Variants in CHSY3 observed in about 807,000 individuals in gnomAD.
CHSY3 encodes the protein N-acetylgalactosaminyl-proteoglycan 3-beta-glucuronosyltransferase 3.
In CHSY3, 35 loss-of-function variants were observed where a neutral mutation model predicts 67.2. The observed-to-expected ratio is 0.52, with a 90% CI of 0.40 to 0.69. The LOEUF is 0.69. Ranked by LOEUF, CHSY3 falls within the 30% of genes least tolerant of loss-of-function variation. The probability of loss-of-function intolerance (pLI) is 0.00; values close to 1 mark genes in which losing one functional copy is unlikely to be tolerated. For missense variants in CHSY3, 1,069 were observed against 1,138.5 expected (o/e 0.94, Z 0.88); for synonymous variants, 474 against 434.7 (o/e 1.09, Z -1.12).
chr5:130,126,033 G>T (rs1258165589), intron 2 of CHSY3, among the ~76,000 whole-genome samples: 1 of 152,098 alleles, frequency 6.6e-6, no homozygotes, highest in Admixed American at 6.5e-5. Flanking sequence ...CTAGGATATG[G>T]TTTTTGCAAT....
At chr5:130,012,583 A>T (rs1197019330) in intron 2 of CHSY3, among the ~76,000 whole-genome samples, 11 of 152,148 alleles carry the variant, frequency 7.2e-5, no homozygotes, top group Non-Finnish European at 1.3e-4. Context: ...CATGAGAGAG[A>T]ATGAGTGCCA....
chr5:130,149,451 G>T (rs1346681334), intron 2 of CHSY3, among the ~76,000 whole-genome samples: 5 of 152,112 alleles, frequency 3.3e-5, no homozygotes, highest in Non-Finnish European at 1.5e-5. Context: ...TGGGGGACGG[G>T]AGGTGCCACA....
chr5:129,941,182 G>A (rs1196722959), intron 2 of CHSY3, among the ~76,000 whole-genome samples: 4 of 152,152 alleles, frequency 2.6e-5, no homozygotes, highest in Admixed American at 2.6e-4. Flanking sequence ...CAGGCTGGGT[G>A]ACAGAGAAAG....
chr5:130,162,339 T>C (rs1769579336), intron 2 of CHSY3, among the ~76,000 whole-genome samples: 1 of 152,156 alleles, frequency 6.6e-6, no homozygotes, highest in African/African-American at 2.4e-5. Context: ...GCATTGTACA[T>C]TTGAAAAAGC....
At chr5:130,163,675 A>T (rs73788426) in intron 2 of CHSY3, among the ~76,000 whole-genome samples, 6,983 of 152,294 alleles carry the variant, frequency 0.046, 488 homozygotes, top group African/African-American at 0.15. Flanking sequence ...AAATGAAAAA[A>T]TTGTTATTAC....
intron 2 of CHSY3, among the ~76,000 whole-genome samples, chr5:130,095,437 A>G (rs1767013017): frequency 6.6e-6 from 1 of 152,238 alleles, no homozygotes; most frequent in South Asian, 2.1e-4. Context: ...TGAAAGGAGC[A>G]CAGAGCCAAC....
chr5:130,099,302 G>A (rs1464681117), intron 2 of CHSY3, among the ~76,000 whole-genome samples: 2 of 152,172 alleles, frequency 1.3e-5, no homozygotes, highest in Non-Finnish European at 2.9e-5. Flanking sequence ...TATTTGGAAG[G>A]CAATGCTTTC....
chr5:130,184,106 G>T (rs941608288), intron 2 of CHSY3, 123 bp from the exon 3 acceptor site: 1 of 860,482 alleles, frequency 1.2e-6, no homozygotes, highest in South Asian at 5.9e-5. Flanking sequence ...AACCATTTTT[G>T]TTATGAAATA....
At chr5:130,141,459 T>C (rs1226159607) in intron 2 of CHSY3, 2 of 357,338 alleles carry the variant, frequency 5.6e-6, no homozygotes, top group African/African-American at 4.3e-5. Flanking sequence ...ACTTTTGATA[T>C]TGATGATAAT....
rs113203105 is a variant in CHSY3 at position 130,165,862 on chromosome 5, A to G, written c.1087-18367A>G. Reference sequence around the variant, plus strand: ...TTCTGAGTCATTTGCCTTTTTGTGAAATATTTTCTCAATGAATATGCCATT... The same window carrying G: ...TTCTGAGTCATTTGCCTTTTTGTGAGATATTTTCTCAATGAATATGCCATT... On this transcript the variant is annotated intron_variant, in intron 2 of 2. Transcript: ENST00000305031. Among the ~76,000 whole-genome samples, 711 of 152,218 alleles carry G rather than the reference A, an allele frequency of 4.7e-3. 4 individuals are homozygous for G. Among genetic ancestry groups the G allele is most frequent in the African/African-American group, 0.016 (681 of 41,562 alleles).
At chr5:129,966,128 T>C (rs771608306) in intron 2 of CHSY3, among the ~76,000 whole-genome samples, 5 of 151,874 alleles carry the variant, frequency 3.3e-5, no homozygotes, top group Non-Finnish European at 5.9e-5. Context: ...GTATTAGAAA[T>C]ACCAAATGAT....
chr5:130,014,766 C>G (rs993141816), intron 2 of CHSY3, among the ~76,000 whole-genome samples: 5 of 152,066 alleles, frequency 3.3e-5, no homozygotes, highest in Non-Finnish European at 5.9e-5. Context: ...AGAAAAAATT[C>G]CAGGAAATAC....
In CHSY3 at chr5:129,957,607, AT is replaced by A. The variant is rs911658095; in HGVS notation, c.1086+49254del. Among the ~76,000 whole-genome samples the A allele has an allele frequency of 3.3e-5, 5 of 152,156 alleles. No homozygotes were observed. In the South Asian group the frequency reaches 6.2e-4, roughly 19 times the overall value. On this transcript the variant is annotated intron_variant, in intron 2 of 2. Transcript: ENST00000305031. ...TAGCATAGAATTTTAGGTTCAAAATATTTTTTTCCTCATACTTTGAAGATAT... is the reference window on the plus strand; with the variant it reads ...TAGCATAGAATTTTAGGTTCAAAATATTTTTTCCTCATACTTTGAAGATAT...
chr5:130,118,424 ATCTC>A (rs1290564715), intron 2 of CHSY3, among the ~76,000 whole-genome samples: 6 of 151,920 alleles, frequency 3.9e-5, no homozygotes, highest in Non-Finnish European at 8.8e-5. Flanking sequence ...CAATTACTAC[ATCTC>A]TCTATCTGTC....
intron 2 of CHSY3, among the ~76,000 whole-genome samples, chr5:130,023,030 T>G (rs1764438407): frequency 6.6e-6 from 1 of 152,134 alleles, no homozygotes; most frequent in South Asian, 2.1e-4. Flanking sequence ...AAACAATGAC[T>G]AGAATGTCCT....
chr5:130,027,908 T>G (rs1295515650), intron 2 of CHSY3, among the ~76,000 whole-genome samples: 1 of 152,198 alleles, frequency 6.6e-6, no homozygotes, highest in Admixed American at 6.5e-5. Context: ...TCTTTGCTAT[T>G]GTGAATAGTG....
chr5:130,166,194 T>TA (rs1718506123), intron 2 of CHSY3, among the ~76,000 whole-genome samples: 1 of 152,144 alleles, frequency 6.6e-6, no homozygotes. Flanking sequence ...TTTATAGAAT[T>TA]AAAAATAATT....
intron 2 of CHSY3, among the ~76,000 whole-genome samples, chr5:129,914,920 A>G (rs1043631504): frequency 2.0e-5 from 3 of 152,230 alleles, no homozygotes; most frequent in Non-Finnish European, 4.4e-5. Context: ...TACTCATATT[A>G]ATTTAAAAAC....
At chr5:130,136,794 A>G (rs1561553689) in intron 2 of CHSY3, among the ~76,000 whole-genome samples, 1 of 152,164 alleles carries the variant, frequency 6.6e-6, no homozygotes, top group Non-Finnish European at 1.5e-5. Flanking sequence ...CCTGGTGGGT[A>G]AAATATAAAG....
Sources: allele counts gnomAD v4.1 joint callset (sites outside exome capture counted in the v4.1 genomes callset), GRCh38; gene constraint gnomAD v4.1.1; transcripts MANE v1.5; gene names NCBI Gene and HGNC (gene_info 2026-07-23, HGNC 2026-07-21).